The following CTRB2 variants were observed in gnomAD, a reference collection of about 807,000 sequenced individuals.
CTRB2 encodes chymotrypsin B2.
In CTRB2, 9 loss-of-function variants were observed where a neutral mutation model predicts 19.3. That is an observed-to-expected ratio of 0.47 (90% CI 0.28 to 0.81). CTRB2 has a LOEUF of 0.81. Among genes scored for constraint, CTRB2 ranks in the 40% least tolerant of loss-of-function variants. CTRB2 has a pLI of 0.11. For missense variants in CTRB2, 210 were observed against 269.7 expected (o/e 0.78, Z 1.55); for synonymous variants, 98 against 117.3 (o/e 0.84, Z 1.06).
At position 75,204,868 on chromosome 16, in the gene CTRB2, G is replaced by C. The variant is rs548606660; in HGVS notation, c.535C>G (p.Pro179Ala). 4.4e-5 allele frequency: 54 copies of C among 1,221,146 alleles called. No individual in the cohort carries two copies. In the African/African-American group the frequency reaches 8.5e-4, roughly 19 times the overall value. 75.6% of individuals were successfully genotyped at this position (1,221,146 alleles called of 1,614,324 possible). Residue 179 changes from proline to alanine, a missense_variant, in exon 6 of 7, where the codon CCC (proline) becomes GCC (alanine). Physicochemically the swap from Pro to Ala is conservative, Grantham distance 27 (BLOSUM62 -1). This residue lies in a region of CTRB2 where 27 missense variants were observed against 42.5 expected (regional missense o/e 0.64). Coordinates refer to ENST00000303037, the MANE Select transcript of CTRB2 (RefSeq NM_001025200.4). ...TPDKLQQAALPLLSNAECKKS... is the reference protein window; with the variant it reads ...TPDKLQQAALALLSNAECKKS... ...TTGCATTCGGCATTGGACAGGAGGG[G>C]CAGGGCTGCCTGCTGCAGCTTGTCA...
At chr16:75,206,917 A>T in intron 1 of CTRB2, 173 bp downstream of exon 1, 1 of 644,290 alleles carries the variant, frequency 1.6e-6, no homozygotes, top group South Asian at 1.7e-5. Flanking sequence ...TGAGCCTGGG[A>T]GGGAGGCATT....
At chr16:75,206,852 TG>T in intron 1 of CTRB2, 1 of 526,138 alleles carries the variant, frequency 1.9e-6, no homozygotes, top group Non-Finnish European at 3.5e-6. Context: ...TCAGGTCTGC[TG>T]GGGGTGAGGA....
intron 1 of CTRB2, chr16:75,206,551 C>G (rs1216704045): frequency 2.6e-6 from 1 of 378,792 alleles, no homozygotes; most frequent in African/African-American, 2.1e-5. Context: ...CTCAGTGTCC[C>G]CATCAGCAAA....
chr16:75,204,311 T>G lies in CTRB2; in HGVS notation c.642A>C (p.Gly214=), dbSNP rs1130511. The part of the protein sequence containing the change: ...SGVSSCMGDS[G]GPLVCQKDGA... ...CGTCCTTCTGGCAGACCAGGGGGCC[T>G]CCAGAGTCACCCTGCAGGAAGGAGA... Residue 214 remains glycine (G), a synonymous_variant, in exon 7 of 7, where the codon GGA becomes GGC. Transcript: ENST00000303037. The G allele has an allele frequency of 1.9e-6, 3 of 1,613,828 alleles. No homozygotes were observed. Among genetic ancestry groups the G allele is most frequent in the East Asian group, 2.2e-5 (1 of 44,856 alleles).
intron 1 of CTRB2, chr16:75,206,816 T>A: frequency 4.1e-6 from 2 of 482,388 alleles, no homozygotes; most frequent in South Asian, 2.0e-5. Flanking sequence ...ACCTGCCTCC[T>A]CCCCCCGCCT....
chr16:75,204,468 C>T (rs2038871027), intron 6 of CTRB2, 146 bp from the exon 7 acceptor site: 2 of 937,874 alleles, frequency 2.1e-6, no homozygotes, highest in South Asian at 1.7e-5. Context: ...TCTGGGTTCA[C>T]ATGGCAGCCC....
At chr16:75,206,269 C>G (rs1597117374) in intron 1 of CTRB2, 76 bp from the exon 2 acceptor site, 1 of 1,443,236 alleles carries the variant, frequency 6.9e-7, no homozygotes, top group Non-Finnish European at 9.3e-7. Context: ...TCACTCCCAA[C>G]TCTTTTCCAG....
Position 75,207,155 on chromosome 16 carries a change from G to T in CTRB2, c.-14C>A. The T allele has an allele frequency of 6.4e-7, 1 of 1,555,842 alleles. No individual in the cohort carries two copies. The highest frequency in any genetic ancestry group is 1.2e-5 in the South Asian group (1 of 84,448). ...GAGGAAAGCCATGGTGCCGCTGGCA[G>T]GGGTGTAGGACGCCTGTCTGCCGGT... On this transcript the variant is annotated 5_prime_UTR_variant, in exon 1 of 7. It adds an upstream start codon to the 5' untranslated region. Coordinates refer to ENST00000303037, the MANE Select transcript of CTRB2 (RefSeq NM_001025200.4).
At chr16:75,206,029 C>G in intron 2 of CTRB2, 37 bp from the exon 3 acceptor site, 4 of 1,198,474 alleles carry the variant, frequency 3.3e-6, no homozygotes, top group Non-Finnish European at 4.6e-6. Flanking sequence ...ACCTCCCACC[C>G]GGGGGCACCC....
intron 4 of CTRB2, 47 bp downstream of exon 4, chr16:75,205,694 TC>T (rs926788405): frequency 8.2e-6 from 7 of 850,552 alleles, no homozygotes; most frequent in Non-Finnish European, 1.0e-5. Context: ...CCGAGGGGTC[TC>T]CCCCCGTGCC....
intron 1 of CTRB2, 131 bp downstream of exon 1, chr16:75,206,959 C>T (rs897490526): frequency 1.4e-5 from 12 of 861,740 alleles, no homozygotes; most frequent in South Asian, 5.7e-5. Context: ...GAGATGGAGC[C>T]GGTGACTCGC....
At position 75,205,448 on chromosome 16, in the gene CTRB2, GGCCA is replaced by G; in HGVS notation, c.377_380del (p.Leu126ProfsTer71). On this transcript the variant is annotated frameshift_variant, in exon 5 of 7. Transcript: ENST00000303037. LOFTEE classifies it high-confidence loss of function. The stretch of plus-strand genomic sequence containing the variant: ...CTGTCTGGGAGAAGCGGGCAGGTGT[GGCCA>G]GCTTCAGCAGGGTGATGTCATTGTT... 1 of 481,468 alleles carries G rather than the reference GGCCA, an allele frequency of 2.1e-6. No homozygotes were observed. Among genetic ancestry groups the G allele is most frequent in the Non-Finnish European group, 3.3e-6 (1 of 303,592 alleles). The allele number at this position is 481,468 out of a possible 1,614,324, so 29.8% of individuals were successfully genotyped here. A position where few individuals can be genotyped will look rare whatever the true frequency, so the allele number is the denominator to read the frequency against.
rs892610603 is a variant in CTRB2, at chr16:75,204,851, G to A, written c.552C>T (p.Ala184=). ...QQAALPLLSN[A]ECKKSWGRRI... ...TCCTGCCCCAGGACTTCTTGCATTC[G>A]GCATTGGACAGGAGGGGCAGGGCTG... is the stretch of plus-strand genomic sequence containing the variant. Residue 184 remains alanine (A), a synonymous_variant, in exon 6 of 7, where the codon GCC becomes GCT. Transcript: ENST00000303037. 18 of 1,307,538 alleles carry A rather than the reference G, an allele frequency of 1.4e-5. 1 individual carries two copies. The highest frequency in any genetic ancestry group is 6.5e-5 in the South Asian group (5 of 76,486). The allele number at this position is 1,307,538 out of a possible 1,614,324, so 81.0% of individuals were successfully genotyped here.
chr16:75,207,155 G>A lies in CTRB2; in HGVS notation c.-14C>T, dbSNP rs1391516679. The A allele has an allele frequency of 6.4e-7, 1 of 1,555,846 alleles. No homozygotes were observed. ...GAGGAAAGCCATGGTGCCGCTGGCA[G>A]GGGTGTAGGACGCCTGTCTGCCGGT... On this transcript the variant is annotated 5_prime_UTR_variant, in exon 1 of 7. Transcript: ENST00000303037.
In CTRB2 at chr16:75,204,931, G is replaced by T. The variant is rs534609077; in HGVS notation, c.497-25C>A. The stretch of plus-strand genomic sequence containing the variant: ...GCTGCAGGACAGGAGGAGGGTCAGG[G>T]CCCCTGGGCTCACTCAGCCAAGAGT... On this transcript the variant is annotated intron_variant, in intron 5 of 6. Transcript: ENST00000303037. 112 of 848,436 alleles carry T rather than the reference G, an allele frequency of 1.3e-4. 1 individual carries two copies. The South Asian group carries it at 1.8e-3, about 14-fold the overall frequency. The allele number at this position is 848,436 out of a possible 1,614,324, so 52.6% of individuals were successfully genotyped here.
intron 6 of CTRB2, 123 bp from the exon 7 acceptor site, chr16:75,204,445 C>T (rs527956150): frequency 8.5e-5 from 89 of 1,041,012 alleles, no homozygotes; most frequent in African/African-American, 4.0e-4. Context: ...GGGGCTGTGC[C>T]GGGGTCCTGA....
At chr16:75,207,034 C>T (rs767827032) in intron 1 of CTRB2, 56 bp downstream of exon 1, 88 of 1,507,384 alleles carry the variant, frequency 5.8e-5, no homozygotes, top group Non-Finnish European at 7.5e-5. Flanking sequence ...TTGCTGGCCT[C>T]GGGGCTGGGA....
In CTRB2 at chr16:75,204,157, G is replaced by A. The variant is rs200581285; in HGVS notation, c.*4C>T. 31 of 1,614,102 alleles carry A rather than the reference G, an allele frequency of 1.9e-5. No individual in the cohort carries two copies. The highest frequency in any genetic ancestry group is 9.3e-5 in the African/African-American group (7 of 75,032). ...TTAAGGCAGGGGTGGCAGGAGCTGC[G>A]GGCTCAGTTGGCGGCCAGGATCTTC... On this transcript the variant is annotated 3_prime_UTR_variant, in exon 7 of 7. Transcript: ENST00000303037.
At position 75,204,123 on chromosome 16, in the gene CTRB2, TG is replaced by T. The variant is rs1567561212; in HGVS notation, c.*37del. On this transcript the variant is annotated 3_prime_UTR_variant, in exon 7 of 7. Coordinates refer to ENST00000303037, the MANE Select transcript of CTRB2 (RefSeq NM_001025200.4). Reference sequence around the variant, plus strand: ...AGGGCTTCTAAACAGATGCATTTAATGGGAAATCTTAAGGCAGGGGTGGCAG... The same window carrying T: ...AGGGCTTCTAAACAGATGCATTTAATGGAAATCTTAAGGCAGGGGTGGCAG... 2 of 1,613,400 alleles carry T rather than the reference TG, an allele frequency of 1.2e-6. No homozygotes were observed. Among genetic ancestry groups the T allele is most frequent in the South Asian group, 1.1e-5 (1 of 91,064 alleles).
Sources: allele counts gnomAD v4.1 joint callset, GRCh38; gene constraint gnomAD v4.1.1; regional missense constraint gnomAD v4.1.1; transcripts MANE v1.5; gene names NCBI Gene and HGNC (gene_info 2026-07-23, HGNC 2026-07-21).